The following ALDH2 variants were observed in gnomAD, a reference collection of about 807,000 sequenced individuals.
ALDH2 encodes the protein aldehyde dehydrogenase 2 family member.
In ALDH2, 44 loss-of-function variants were observed where a neutral mutation model predicts 59.6. The observed-to-expected ratio is 0.74, with a 90% CI of 0.58 to 0.95. The LOEUF is 0.95. ALDH2 is among the 40% of genes least tolerant of loss of function. The probability of loss-of-function intolerance (pLI) is 0.00; values close to 1 mark genes in which losing one functional copy is unlikely to be tolerated. For synonymous variants in ALDH2, 291 were observed against 284.0 expected, an observed-to-expected ratio of 1.02 and a Z score of -0.25; for missense variants, 570 against 696.3, an observed-to-expected ratio of 0.82 and a Z score of 2.04.
chr12:111,768,236 G>T (rs1267508358), intron 1 of ALDH2, among the ~76,000 whole-genome samples: 1 of 151,984 alleles, frequency 6.6e-6, no homozygotes, highest in Non-Finnish European at 1.5e-5. Context: ...GTGACTCTGG[G>T]TGGGAACAAA....
chr12:111,792,171 T>G lies in ALDH2; in HGVS notation c.898+8T>G, dbSNP rs1338822813. ...TCATGTCAGATGCCGATAGTGAGTT[T>G]CCAGCTGGAGAAGGCCTGGCCTTGA... is the stretch of plus-strand genomic sequence containing the variant. On this transcript the variant is annotated splice_region_variant and intron_variant, in intron 8 of 12. Transcript: ENST00000261733. 6.9e-6 allele frequency: 11 copies of G among 1,592,012 alleles called. No homozygotes were observed. The highest frequency in any genetic ancestry group is 8.5e-6 in the Non-Finnish European group (10 of 1,171,400).
At chr12:111,780,794 G>T (rs970807775) in intron 1 of ALDH2, among the ~76,000 whole-genome samples, 1 of 152,124 alleles carries the variant, frequency 6.6e-6, no homozygotes, top group Non-Finnish European at 1.5e-5. Context: ...CTGGCCCATC[G>T]CAGGTGTTCA....
At chr12:111,786,659 C>T (rs2068312136) in intron 4 of ALDH2, among the ~76,000 whole-genome samples, 1 of 151,990 alleles carries the variant, frequency 6.6e-6, no homozygotes, top group Non-Finnish European at 1.5e-5. Context: ...AATCTTCCCA[C>T]TTCAGCCTCC....
chr12:111,794,732 G>T (rs892482240), intron 9 of ALDH2, among the ~76,000 whole-genome samples: 4 of 151,524 alleles, frequency 2.6e-5, no homozygotes, highest in African/African-American at 7.3e-5. Context: ...GTCTTGAATT[G>T]CTGGGCTCAA....
chr12:111,791,623 G>A (rs1020393996), intron 7 of ALDH2, among the ~76,000 whole-genome samples: 5 of 152,232 alleles, frequency 3.3e-5, no homozygotes, highest in Admixed American at 1.3e-4. Context: ...GGAGGGGCCA[G>A]TGTCCCATGT....
intron 1 of ALDH2, among the ~76,000 whole-genome samples, chr12:111,772,640 C>G (rs552670029): frequency 6.8e-6 from 1 of 147,432 alleles, no homozygotes; most frequent in Admixed American, 6.9e-5. Flanking sequence ...GGATTACAGG[C>G]GTGAGCCACT....
chr12:111,794,880 G>A (rs1040954985), intron 9 of ALDH2, among the ~76,000 whole-genome samples: 2 of 151,980 alleles, frequency 1.3e-5, no homozygotes, highest in African/African-American at 4.8e-5. Flanking sequence ...TTTAGTGTAC[G>A]ATTCAGTGAT....
intron 1 of ALDH2, 25 bp from the exon 2 acceptor site, chr12:111,781,893 A>T: frequency 6.3e-7 from 1 of 1,582,450 alleles, no homozygotes; most frequent in Non-Finnish European, 8.7e-7. Context: ...GCTGGTCCTG[A>T]GAACTTCTTT....
At chr12:111,801,070 A>G (rs2068447967) in intron 11 of ALDH2, among the ~76,000 whole-genome samples, 1 of 151,966 alleles carries the variant, frequency 6.6e-6, no homozygotes, top group Non-Finnish European at 1.5e-5. Flanking sequence ...TATAAAGGAA[A>G]GAGGTTTAAT....
chr12:111,781,569 T>A (rs563765107), intron 1 of ALDH2, among the ~76,000 whole-genome samples: 1 of 152,346 alleles, frequency 6.6e-6, no homozygotes, highest in African/African-American at 2.4e-5. Context: ...TCTGCCCAGA[T>A]GAGCCCAACC....
At chr12:111,790,386 G>A in intron 5 of ALDH2, 48 bp from the exon 6 acceptor site, 1 of 1,613,054 alleles carries the variant, frequency 6.2e-7, no homozygotes. Context: ...ACCCAGTGTA[G>A]TTCTCTGAGG....
At chr12:111,782,454 G>A (rs113888278) in intron 2 of ALDH2, among the ~76,000 whole-genome samples, 1 of 152,060 alleles carries the variant, frequency 6.6e-6, no homozygotes, top group South Asian at 2.1e-4. Flanking sequence ...GCGCAGTGGC[G>A]CAGGCCTGTA....
intron 11 of ALDH2, among the ~76,000 whole-genome samples, chr12:111,802,337 G>A (rs148039593): frequency 5.3e-5 from 8 of 150,316 alleles, no homozygotes; most frequent in East Asian, 2.0e-4. Context: ...GCTTGAACCC[G>A]GGAGGCAGAG....
intron 1 of ALDH2, among the ~76,000 whole-genome samples, chr12:111,780,978 G>A (rs1157534589): frequency 6.6e-6 from 1 of 151,980 alleles, no homozygotes; most frequent in Non-Finnish European, 1.5e-5. Flanking sequence ...GCGTAGTGGC[G>A]TGTGCCTGTG....
chr12:111,791,928 T>C, intron 7 of ALDH2, 133 bp from the exon 8 acceptor site: 2 of 675,252 alleles, frequency 3.0e-6, no homozygotes, highest in Non-Finnish European at 5.3e-6. Context: ...AACGTCTATT[T>C]GGTGAAATTC....
intron 9 of ALDH2, among the ~76,000 whole-genome samples, chr12:111,797,402 C>A (rs1327561449): frequency 6.6e-6 from 1 of 152,032 alleles, no homozygotes; most frequent in Admixed American, 6.6e-5. Context: ...AAAATGCTCC[C>A]CCAGCCTGGG....
chr12:111,783,061 T>C, intron 2 of ALDH2, 97 bp from the exon 3 acceptor site: 1 of 1,483,020 alleles, frequency 6.7e-7, no homozygotes. Context: ...TGCAGCGATA[T>C]GCTGATGACC....
chr12:111,771,467 T>C (rs1317712425), intron 1 of ALDH2, among the ~76,000 whole-genome samples: 2 of 152,114 alleles, frequency 1.3e-5, no homozygotes, highest in East Asian at 3.9e-4. Context: ...CAGCTCGAGC[T>C]CCATTGGGAA....
At chr12:111,789,761 C>G (rs1265025382) in intron 4 of ALDH2, 62 bp from the exon 5 acceptor site, 1 of 1,394,402 alleles carries the variant, frequency 7.2e-7, no homozygotes, top group African/African-American at 1.4e-5. Context: ...TCTCTTTCTG[C>G]CAGGGTTTGC....
Sources: gnomAD v4.1 joint callset for allele counts (sites outside exome capture counted in the v4.1 genomes callset) on GRCh38, gnomAD v4.1.1 for gene constraint, MANE v1.5 for transcripts, NCBI Gene and HGNC (gene_info 2026-07-23, HGNC 2026-07-21) for gene names.